MYPN: variants seen among roughly 807,000 people sequenced by gnomAD.
MYPN encodes myopalladin.
A neutral mutation model predicts 129.4 loss-of-function variants in MYPN; 63 were observed. That is an observed-to-expected ratio of 0.49 (90% confidence interval 0.40 to 0.60). The LOEUF (loss-of-function observed/expected upper bound fraction) is 0.60, where lower values mean the gene tolerates loss of function less well. Ranked by LOEUF, MYPN falls within the 20% of genes least tolerant of loss-of-function variation. The probability of loss-of-function intolerance (pLI) is 0.00; values close to 1 mark genes in which losing one functional copy is unlikely to be tolerated. For synonymous variants in MYPN, 629 were observed against 600.9 expected (o/e 1.05, Z -0.68); for missense variants, 1,596 against 1,635.4 (o/e 0.98, Z 0.42).
intron 16 of MYPN, 78 bp from the exon 17 acceptor site, chr10:68,199,290 G>T (rs1589611691): frequency 7.1e-7 from 1 of 1,409,448 alleles, no homozygotes; most frequent in East Asian, 2.3e-5. Context: ...TTGGTGCCAA[G>T]CAAGGATAAA....
At chr10:68,113,087 C>T (rs1217814408) in intron 1 of MYPN, among the ~76,000 whole-genome samples, 1 of 152,078 alleles carries the variant, frequency 6.6e-6, no homozygotes, top group Non-Finnish European at 1.5e-5. Context: ...TTTTTTCTTT[C>T]CCTAAAAAGC....
At position 68,109,583 on chromosome 10, in the gene MYPN, A is replaced by T; in HGVS notation, c.-142A>T. The T allele has an allele frequency of 2.2e-6, 1 of 453,978 alleles. No homozygotes were observed. Among genetic ancestry groups the T allele is most frequent in the South Asian group, 1.6e-5 (1 of 64,476 alleles). 28.1% of individuals were successfully genotyped at this position (453,978 alleles called of 1,614,324 possible). A position where few individuals can be genotyped will look rare whatever the true frequency, so the allele number is the denominator to read the frequency against. ...AAGGTTAACTCCTCACTCTCTATGG[A>T]CGGCTACTCTCTATTTCCAAGGGCG... On this transcript the variant is annotated 5_prime_UTR_variant, in exon 1 of 20. Coordinates refer to ENST00000358913, the MANE Select transcript of MYPN (RefSeq NM_032578.4).
Position 68,209,551 on chromosome 10 carries a change from T to C in MYPN, c.3794-735T>C, listed in dbSNP as rs73269117. 6.5e-3 allele frequency among the ~76,000 whole-genome samples: 987 copies of C among 152,284 alleles called. 19 individuals carry two copies. The highest frequency in any genetic ancestry group is 0.023 in the African/African-American group (948 of 41,558). ...GTCTCTATCTTTTGAGGTACCCTCT[T>C]TGAGAGCCTACAACCCTCTGTACAC... On this transcript the variant is annotated intron_variant, in intron 19 of 19. Coordinates refer to ENST00000358913, the MANE Select transcript of MYPN (RefSeq NM_032578.4).
chr10:68,160,642 A>AT (rs2042960987), intron 7 of MYPN, among the ~76,000 whole-genome samples: 1 of 152,150 alleles, frequency 6.6e-6, no homozygotes, highest in Non-Finnish European at 1.5e-5. Flanking sequence ...TTGGCTGGGC[A>AT]TGGTGGCTCA....
At chr10:68,173,380 C>T (rs2043171454) in intron 10 of MYPN, among the ~76,000 whole-genome samples, 1 of 152,168 alleles carries the variant, frequency 6.6e-6, no homozygotes, top group Non-Finnish European at 1.5e-5. Context: ...ACTTTGAGCA[C>T]TGCCTACAAG....
chr10:68,182,221 T>TAA (rs1554848087), intron 12 of MYPN, among the ~76,000 whole-genome samples: 2 of 141,094 alleles, frequency 1.4e-5, no homozygotes, highest in Non-Finnish European at 1.5e-5. Context: ...TATATATATA[T>TAA]AACACATATA....
At chr10:68,165,907 A>C (rs188329839) in intron 9 of MYPN, 89 bp downstream of exon 9, 123 of 1,115,260 alleles carry the variant, frequency 1.1e-4, no homozygotes, top group Admixed American at 2.2e-4. Context: ...CCTGTTTTTC[A>C]TACAAAGCTG....
At chr10:68,169,801 G>A (rs1391461893) in intron 10 of MYPN, among the ~76,000 whole-genome samples, 4 of 151,410 alleles carry the variant, frequency 2.6e-5, no homozygotes, top group Non-Finnish European at 5.9e-5. Context: ...GTGCACTGGC[G>A]TGATCTCAGC....
At chr10:68,201,270 G>C (rs919117115) in intron 17 of MYPN, among the ~76,000 whole-genome samples, 2 of 152,162 alleles carry the variant, frequency 1.3e-5, no homozygotes, top group Non-Finnish European at 2.9e-5. Flanking sequence ...ATTGCCTCTC[G>C]TGGGATGTGC....
chr10:68,110,739 A>G (rs77192447), intron 1 of MYPN, among the ~76,000 whole-genome samples: 4,078 of 152,326 alleles, frequency 0.027, 230 homozygotes, highest in East Asian at 0.2. Context: ...GAGAATGTCT[A>G]TACTTACAGC....
At chr10:68,166,936 G>A (rs944276668) in intron 10 of MYPN, among the ~76,000 whole-genome samples, 1 of 152,244 alleles carries the variant, frequency 6.6e-6, no homozygotes, top group East Asian at 1.9e-4. Flanking sequence ...CTACGTGGGA[G>A]ACAGAGGCAG....
chr10:68,207,967 C>T (rs1364516251), intron 19 of MYPN, among the ~76,000 whole-genome samples: 2 of 150,208 alleles, frequency 1.3e-5, no homozygotes, highest in African/African-American at 4.9e-5. Flanking sequence ...TAGTGGAAGA[C>T]TTGGAGAGGT....
chr10:68,181,854 G>T (rs1055719413), intron 12 of MYPN, among the ~76,000 whole-genome samples: 6 of 151,940 alleles, frequency 3.9e-5, no homozygotes, highest in African/African-American at 1.5e-4. Context: ...AGCTCTCCAA[G>T]CTCTCCGATG....
chr10:68,152,967 ATTTTATTTTATTTAT>A (rs1390739086), intron 6 of MYPN, among the ~76,000 whole-genome samples: 8 of 142,850 alleles, frequency 5.6e-5, no homozygotes, highest in South Asian at 4.5e-4. Context: ...ATTTTATTTT[ATTTTATTTTATTTAT>A]TTTATTTTAT....
intron 2 of MYPN, among the ~76,000 whole-genome samples, chr10:68,132,779 T>C (rs1168017071): frequency 1.3e-5 from 2 of 152,162 alleles, no homozygotes; most frequent in African/African-American, 2.4e-5. Context: ...TGAATACTAA[T>C]TAGAGATCAA....
At chr10:68,140,109 T>C (rs2042552617) in intron 2 of MYPN, among the ~76,000 whole-genome samples, 4 of 152,124 alleles carry the variant, frequency 2.6e-5, no homozygotes, top group Admixed American at 2.6e-4. Flanking sequence ...GACCTATCTT[T>C]GTAAAGGTCT....
Position 68,188,991 on chromosome 10 carries a change from T to C in MYPN, c.2790T>C (p.Asp930=). 1 of 1,614,062 alleles carries C rather than the reference T, an allele frequency of 6.2e-7. No individual in the cohort carries two copies. The highest frequency in any genetic ancestry group is 8.5e-7 in the Non-Finnish European group (1 of 1,179,970). The part of the protein sequence containing the change: ...LERTPVDESD[D]EIQHDEIPTG... ...GTACTCCTGTTGATGAATCAGATGATGAAATTCAACATGATGAGATCCCCA... is the reference window on the plus strand; with the variant it reads ...GTACTCCTGTTGATGAATCAGATGACGAAATTCAACATGATGAGATCCCCA... Residue 930 remains aspartate, a synonymous_variant, in exon 13 of 20, where the codon GAT becomes GAC. Coordinates refer to ENST00000358913, the MANE Select transcript of MYPN (RefSeq NM_032578.4).
chr10:68,174,655 A>G lies in MYPN; in HGVS notation c.2563A>G (p.Met855Val). The change falls in exon 11 of 20, where the codon ATG becomes GTG. Residue 855 changes from methionine to valine, a missense_variant and splice_region_variant. By Grantham distance (21) the Met-to-Val change is conservative (BLOSUM62 1). Transcript: ENST00000358913. ...GGGGCTGCCTAGAAGTGCACCATCCATGTAAGTGTCATTGAGGTTTCTTGA... is the reference window on the plus strand; with the variant it reads ...GGGGCTGCCTAGAAGTGCACCATCCGTGTAAGTGTCATTGAGGTTTCTTGA... Reference protein sequence around the residue: ...AMGLPRSAPSMPSQGLAKKNT... With the variant: ...AMGLPRSAPSVPSQGLAKKNT... 1 of 1,613,762 alleles carries G rather than the reference A, an allele frequency of 6.2e-7. No individual in the cohort carries two copies. Among genetic ancestry groups the G allele is most frequent in the Non-Finnish European group, 8.5e-7 (1 of 1,179,642 alleles).
At chr10:68,156,959 A>C (rs761696174) in intron 6 of MYPN, among the ~76,000 whole-genome samples, 6 of 152,238 alleles carry the variant, frequency 3.9e-5, no homozygotes, top group Admixed American at 6.5e-5. Flanking sequence ...ATGCCAATAC[A>C]TGTGCCGAAA....
Sources: allele counts gnomAD v4.1 joint callset (sites outside exome capture counted in the v4.1 genomes callset), GRCh38; gene constraint gnomAD v4.1.1; transcripts MANE v1.5; gene names NCBI Gene and HGNC (gene_info 2026-07-23, HGNC 2026-07-21).